Variants in GPC5 observed in about 807,000 individuals in gnomAD.
GPC5 encodes glypican-5.
Under a neutral mutation model 53.9 loss-of-function variants are expected in GPC5, and 47 were observed. The observed-to-expected ratio is 0.87, with a 90% CI of 0.69 to 1.11. The LOEUF is 1.11. Among genes scored for constraint, GPC5 ranks in the 50% most tolerant of loss-of-function variants. GPC5 has a pLI of 0.00. For synonymous variants in GPC5, 286 were observed against 263.3 expected (o/e 1.09, Z -0.84); for missense variants, 748 against 713.1 (o/e 1.05, Z -0.56).
chr13:92,761,049 AG>A (rs1277322848), intron 7 of GPC5, among the ~76,000 whole-genome samples: 3 of 152,144 alleles, frequency 2.0e-5, no homozygotes, highest in African/African-American at 7.2e-5. Flanking sequence ...AAATTATATA[AG>A]GGTTGTTTTG....
At chr13:92,549,763 G>C (rs560406734) in intron 7 of GPC5, among the ~76,000 whole-genome samples, 2 of 151,754 alleles carry the variant, frequency 1.3e-5, no homozygotes, top group African/African-American at 4.8e-5. Context: ...CAAACAGTTT[G>C]CCTTTTTCTC....
intron 7 of GPC5, among the ~76,000 whole-genome samples, chr13:92,645,038 A>T (rs1398669051): frequency 6.6e-6 from 1 of 152,186 alleles, no homozygotes; most frequent in Admixed American, 6.5e-5. Context: ...GGTGACATTC[A>T]CTAATTCTAC....
chr13:92,862,012 C>T (rs528108393), intron 7 of GPC5, among the ~76,000 whole-genome samples: 2 of 152,272 alleles, frequency 1.3e-5, no homozygotes, highest in East Asian at 3.9e-4. Flanking sequence ...TAGCTAAAGT[C>T]AACCAGCTAG....
intron 7 of GPC5, among the ~76,000 whole-genome samples, chr13:92,712,461 AAAC>A (rs1888170848): frequency 2.2e-4 from 2 of 9,018 alleles, no homozygotes; most frequent in East Asian, 0.023. Flanking sequence ...ACAAACAAAC[AAAC>A]AAAAAAAAAA....
chr13:91,841,749 G>A (rs998082119), intron 5 of GPC5, among the ~76,000 whole-genome samples: 1 of 152,092 alleles, frequency 6.6e-6, no homozygotes, highest in Non-Finnish European at 1.5e-5. Flanking sequence ...AAGGATGGGA[G>A]GAAGGAAGAA....
At chr13:91,779,394 G>A (rs1367298798) in intron 5 of GPC5, among the ~76,000 whole-genome samples, 2 of 151,652 alleles carry the variant, frequency 1.3e-5, no homozygotes, top group Admixed American at 1.3e-4. Flanking sequence ...AGGGTCTCAT[G>A]TTGTTGCCCA....
At chr13:92,710,346 C>T (rs1424569234) in intron 7 of GPC5, among the ~76,000 whole-genome samples, 2 of 152,006 alleles carry the variant, frequency 1.3e-5, no homozygotes, top group Non-Finnish European at 2.9e-5. Context: ...AGATAATTTA[C>T]CATCCTAATG....
At position 91,399,056 on chromosome 13, in the gene GPC5, C is replaced by T; in HGVS notation, c.10C>T (p.Gln4Ter). 6.4e-7 allele frequency: 1 copy of T among 1,556,898 alleles called. No individual in the cohort carries two copies. Among genetic ancestry groups the T allele is most frequent in the Non-Finnish European group, 8.7e-7 (1 of 1,150,694 alleles). The part of the protein sequence containing the change: MDA[Q>*]TWPVGFRCLL... ...GACCAGGACGGCGAGGATGGACGCA[C>T]AGACCTGGCCCGTGGGCTTTCGCTG... The change falls in exon 1 of 8, where the codon CAG becomes TAG. Residue 4 changes from glutamine (Q) to a stop codon, truncating the protein, a stop_gained. Coordinates refer to ENST00000377067, the MANE Select transcript of GPC5 (RefSeq NM_004466.6). LOFTEE classifies it high-confidence loss of function.
chr13:92,039,741 C>A (rs991838081), intron 6 of GPC5, among the ~76,000 whole-genome samples: 1 of 152,114 alleles, frequency 6.6e-6, no homozygotes, highest in Non-Finnish European at 1.5e-5. Flanking sequence ...TCTGGCTATA[C>A]CTTCACGTGT....
chr13:91,940,164 G>T (rs1012961592), intron 6 of GPC5, among the ~76,000 whole-genome samples: 3 of 152,048 alleles, frequency 2.0e-5, no homozygotes, highest in Non-Finnish European at 2.9e-5. Context: ...ATCTCTAGTA[G>T]TCCATAGTGT....
chr13:91,524,649 G>A (rs1042239354), intron 2 of GPC5, among the ~76,000 whole-genome samples: 1 of 152,090 alleles, frequency 6.6e-6, no homozygotes, highest in African/African-American at 2.4e-5. Context: ...CCAGAAATTA[G>A]TTCTGTGGGT....
intron 6 of GPC5, among the ~76,000 whole-genome samples, chr13:92,143,878 C>T (rs1281232170): frequency 1.3e-5 from 2 of 151,984 alleles, no homozygotes; most frequent in East Asian, 3.9e-4. Context: ...AAGTAACAAC[C>T]CTAAGTCTTT....
At chr13:92,366,837 C>T (rs2043611161) in intron 7 of GPC5, among the ~76,000 whole-genome samples, 1 of 152,198 alleles carries the variant, frequency 6.6e-6, no homozygotes, top group Admixed American at 6.5e-5. Flanking sequence ...GGCATTAACA[C>T]TTCAAGACTA....
chr13:91,610,002 G>A (rs1373655081), intron 2 of GPC5, among the ~76,000 whole-genome samples: 1 of 152,150 alleles, frequency 6.6e-6, no homozygotes, highest in African/African-American at 2.4e-5. Flanking sequence ...CATTTGCTCA[G>A]TTATTCAGCA....
At chr13:92,826,083 G>A (rs1201159263) in intron 7 of GPC5, among the ~76,000 whole-genome samples, 5 of 152,168 alleles carry the variant, frequency 3.3e-5, no homozygotes, top group Admixed American at 2.0e-4. Flanking sequence ...CTTCCATGCC[G>A]TTGTGTAAAT....
chr13:92,865,874 T>C (rs1259539570), intron 7 of GPC5, among the ~76,000 whole-genome samples: 1 of 152,190 alleles, frequency 6.6e-6, no homozygotes, highest in Non-Finnish European at 1.5e-5. Flanking sequence ...AAAAATATTT[T>C]ATTCAATTAT....
chr13:92,063,471 G>T (rs2138855913), intron 6 of GPC5, among the ~76,000 whole-genome samples: 1 of 152,208 alleles, frequency 6.6e-6, no homozygotes, highest in South Asian at 2.1e-4. Flanking sequence ...AAAAATGAGA[G>T]TGAAACCTTC....
intron 6 of GPC5, among the ~76,000 whole-genome samples, chr13:92,008,001 G>A (rs2040623195): frequency 6.6e-6 from 1 of 150,760 alleles, no homozygotes; most frequent in Non-Finnish European, 1.5e-5. Flanking sequence ...ATAATTCCTG[G>A]TTATTAGTTT....
intron 7 of GPC5, among the ~76,000 whole-genome samples, chr13:92,663,447 A>T (rs9523756): frequency 0.31 from 46,344 of 150,968 alleles, 9,127 homozygotes; most frequent in Non-Finnish European, 0.45. Context: ...TCTGTCAAAG[A>T]TGGCAAACAG....
Sources: gnomAD v4.1 joint callset for allele counts (sites outside exome capture counted in the v4.1 genomes callset) on GRCh38, gnomAD v4.1.1 for gene constraint, MANE v1.5 for transcripts, NCBI Gene and HGNC (gene_info 2026-07-23, HGNC 2026-07-21) for gene names.